Variants in DPP6 observed in about 807,000 individuals in gnomAD.
DPP6 encodes dipeptidyl peptidase like 6.
Under a neutral mutation model 122.6 loss-of-function variants are expected in DPP6, and 69 were observed. That is an observed-to-expected ratio of 0.56 (90% CI 0.46 to 0.69). The LOEUF is 0.69. Among genes scored for constraint, DPP6 ranks in the 30% least tolerant of loss-of-function variants. DPP6 has a pLI of 0.00. For missense variants in DPP6, 928 were observed against 1,116.9 expected, an observed-to-expected ratio of 0.83 and a Z score of 2.41; for synonymous variants, 418 against 433.1, an observed-to-expected ratio of 0.97 and a Z score of 0.43.
the DPP6 span, among the ~76,000 whole-genome samples, chr7:153,749,857 T>C: frequency 6.6e-6 from 1 of 152,148 alleles, no homozygotes; most frequent in Admixed American, 6.5e-5. The surrounding 1 kb of genome is among the most constrained non-coding windows in gnomAD (Gnocchi z 4.1). Flanking sequence ...TATTTATATA[T>C]TTTTTTAAAT....
At chr7:154,289,500 T>C (rs898573980) in intron 1 of DPP6, among the ~76,000 whole-genome samples, 3 of 152,310 alleles carry the variant, frequency 2.0e-5, no homozygotes, top group South Asian at 4.1e-4. Flanking sequence ...CTTCAGTGGC[T>C]GGAGATATTT....
chr7:154,416,139 C>T (rs1285878120), intron 1 of DPP6, among the ~76,000 whole-genome samples: 3 of 152,142 alleles, frequency 2.0e-5, no homozygotes, highest in Admixed American at 2.0e-4. Context: ...CACCGTCCTG[C>T]TCCATCCTGC....
chr7:154,530,280 A>T (rs1827740919), intron 3 of DPP6, among the ~76,000 whole-genome samples: 1 of 152,328 alleles, frequency 6.6e-6, no homozygotes, highest in Middle Eastern at 3.4e-3. Context: ...TGGATAAAGA[A>T]GTAGAAAAAC....
At chr7:154,305,492 A>T in intron 1 of DPP6, 1 of 1,601,882 alleles carries the variant, frequency 6.2e-7, no homozygotes, top group Non-Finnish European at 8.5e-7. Flanking sequence ...GCCTGGACAG[A>T]CCATGACCAC....
intron 1 of DPP6, among the ~76,000 whole-genome samples, chr7:154,285,646 T>C (rs545054032): frequency 6.6e-6 from 1 of 152,332 alleles, no homozygotes; most frequent in East Asian, 1.9e-4. Flanking sequence ...GGTTTAAAAA[T>C]ATGAGAGCAG....
chr7:153,934,045 T>C lies in DPP6; in HGVS notation c.51+46311T>C, dbSNP rs191924875. On this transcript the variant is annotated intron_variant, in intron 1 of 25. Transcript: ENST00000404039. ...GCTGCAGAGCCTAGGCTATTTACTT[T>C]CTGGGCCTTTGCAGATGAAAGAGGA... Among the ~76,000 whole-genome samples, 340 of 152,340 alleles carry C rather than the reference T, an allele frequency of 2.2e-3. 2 individuals carry two copies. Among genetic ancestry groups the C allele is most frequent in the African/African-American group, 7.6e-3 (315 of 41,580 alleles).
intron 1 of DPP6, among the ~76,000 whole-genome samples, chr7:154,385,237 TTC>T (rs1813998415): frequency 6.6e-6 from 1 of 152,188 alleles, no homozygotes; most frequent in African/African-American, 2.4e-5. Flanking sequence ...CCAATTTTTT[TTC>T]TTTCTTGCAT....
rs1554501587 is a variant in DPP6, at chr7:154,252,238, G to GCGCA, written c.244-193975_244-193972dup. Among the ~76,000 whole-genome samples, 29 of 152,218 alleles carry GCGCA rather than the reference G, an allele frequency of 1.9e-4. 1 individual carries two copies. Among genetic ancestry groups the GCGCA allele is most frequent in the Admixed American group, 4.6e-4 (7 of 15,292 alleles). Reference sequence around the variant, plus strand: ...CGTGTGTGTGTGTGTGTGTGTGTGCGCGCATGCGCACGGTGGTGGTGGTTG... The same window carrying GCGCA: ...CGTGTGTGTGTGTGTGTGTGTGTGCGCGCACGCATGCGCACGGTGGTGGTGGTTG... On this transcript the variant is annotated intron_variant, in intron 1 of 25. Transcript: ENST00000377770.
chr7:153,925,306 G>A (rs541634512), intron 1 of DPP6, among the ~76,000 whole-genome samples: 16 of 151,964 alleles, frequency 1.1e-4, no homozygotes, highest in African/African-American at 3.9e-4. Flanking sequence ...CCCGCATGGT[G>A]GAGGGTCCCC....
At chr7:154,851,936 A>G (rs887336641) in intron 16 of DPP6, among the ~76,000 whole-genome samples, 3 of 152,170 alleles carry the variant, frequency 2.0e-5, no homozygotes, top group Non-Finnish European at 4.4e-5. Context: ...CTTGGGCAAC[A>G]GATAGGCCTC....
At chr7:153,849,010 CTTTATG>C in the DPP6 span, among the ~76,000 whole-genome samples, 1 of 151,978 alleles carries the variant, frequency 6.6e-6, no homozygotes, top group East Asian at 1.9e-4. Flanking sequence ...TGGTTTATGT[CTTTATG>C]TTTATTTGAG....
At chr7:153,867,397 A>C in the DPP6 span, among the ~76,000 whole-genome samples, 65 of 152,220 alleles carry the variant, frequency 4.3e-4, no homozygotes, top group African/African-American at 1.5e-3. Flanking sequence ...TAAGTATTTT[A>C]TTCTCTTTGA....
At chr7:154,778,065 A>G in intron 10 of DPP6, among the ~76,000 whole-genome samples, 1 of 152,134 alleles carries the variant, frequency 6.6e-6, no homozygotes, top group Non-Finnish European at 1.5e-5. Flanking sequence ...CCTCATAGGC[A>G]CTTATGTCGA....
intron 1 of DPP6, among the ~76,000 whole-genome samples, chr7:154,151,243 G>T (rs1395077704): frequency 6.6e-6 from 1 of 152,202 alleles, no homozygotes; most frequent in Admixed American, 6.5e-5. Flanking sequence ...CAGGATGCTT[G>T]CCCCAGGCCT....
intron 10 of DPP6, among the ~76,000 whole-genome samples, chr7:154,776,402 A>G (rs995651874): frequency 6.6e-6 from 1 of 152,096 alleles, no homozygotes; most frequent in Non-Finnish European, 1.5e-5. Flanking sequence ...CTGATCAAAT[A>G]TATGGTTCCC....
At chr7:154,577,652 A>ATC (rs1435053013) in intron 5 of DPP6, among the ~76,000 whole-genome samples, 1 of 152,176 alleles carries the variant, frequency 6.6e-6, no homozygotes, top group East Asian at 1.9e-4. Flanking sequence ...GTAAATGAAG[A>ATC]GAGAGTGGGT....
At chr7:154,496,056 T>A (rs2151396793) in intron 3 of DPP6, among the ~76,000 whole-genome samples, 1 of 152,318 alleles carries the variant, frequency 6.6e-6, no homozygotes, top group African/African-American at 2.4e-5. Flanking sequence ...GACAATTTAG[T>A]AGGCAAAATC....
intron 5 of DPP6, chr7:154,587,548 G>T: frequency 2.3e-6 from 3 of 1,322,614 alleles, no homozygotes; most frequent in Admixed American, 2.5e-5. Context: ...ATTGATTTTT[G>T]TTTCTCGATC....
At chr7:153,793,003 G>A in the DPP6 span, among the ~76,000 whole-genome samples, 9 of 152,278 alleles carry the variant, frequency 5.9e-5, no homozygotes, top group Non-Finnish European at 1.2e-4. Context: ...CGCCAGCCAT[G>A]TGAAACAATA....
Sources: gnomAD v4.1 joint callset for allele counts (sites outside exome capture counted in the v4.1 genomes callset) on GRCh38, gnomAD v4.1.1 for gene constraint, Gnocchi (gnomAD v3.1) non-coding constraint, MANE v1.5 for transcripts, NCBI Gene and HGNC (gene_info 2026-07-23, HGNC 2026-07-21) for gene names.